Variants in SLC27A5 observed in about 807,000 individuals in gnomAD.
SLC27A5 encodes solute carrier family 27 member 5.
SLC27A5 carries 47 observed loss-of-function variants against 63.1 expected under a neutral mutation model. That is an observed-to-expected ratio of 0.74 (90% CI 0.59 to 0.95). SLC27A5 has a LOEUF of 0.95. Among genes scored for constraint, SLC27A5 ranks in the 40% least tolerant of loss-of-function variants. The pLI, the probability that SLC27A5 is intolerant of heterozygous loss-of-function variation, is 0.00. For missense variants in SLC27A5, 940 were observed against 921.0 expected (o/e 1.02, Z -0.27); for synonymous variants, 391 against 403.8 (o/e 0.97, Z 0.38).
At chr19:58,510,644 T>C in intron 2 of SLC27A5, 77 bp downstream of exon 2, 1 of 1,277,778 alleles carries the variant, frequency 7.8e-7, no homozygotes, top group Non-Finnish European at 1.1e-6. Flanking sequence ...AGGTCAACAC[T>C]GAGTCACAAG....
At chr19:58,507,942 TG>T (rs2122519245) in intron 3 of SLC27A5, 1 of 152,272 alleles carries the variant, frequency 6.6e-6, no homozygotes, top group Non-Finnish European at 1.5e-5. Context: ...TTGTTTAAGA[TG>T]TTTATCAAGA....
intron 3 of SLC27A5, among the ~76,000 whole-genome samples, chr19:58,506,326 G>A (rs1260068704): frequency 6.6e-6 from 1 of 152,162 alleles, no homozygotes; most frequent in Admixed American, 6.5e-5. Flanking sequence ...CCTGAGGTCA[G>A]GAGTTCGAGA....
intron 3 of SLC27A5, among the ~76,000 whole-genome samples, chr19:58,505,988 T>G (rs1196989525): frequency 6.7e-6 from 1 of 149,844 alleles, no homozygotes; most frequent in East Asian, 2.0e-4. Flanking sequence ...CTGTCTCTAC[T>G]AAAAATACAA....
chr19:58,499,133 C>CT lies in SLC27A5; in HGVS notation c.1754_1755insA (p.Cys586ValfsTer6), dbSNP rs2053242828. 6.2e-7 allele frequency: 1 copy of CT among 1,613,934 alleles called. No individual in the cohort carries two copies. The highest frequency in any genetic ancestry group is 8.5e-7 in the Non-Finnish European group (1 of 1,180,030). The stretch of plus-strand genomic sequence containing the variant: ...GAGAACCCTCCGCACCTGGCACGCA[C>CT]ACGCCATACACGTTAACCTGTTGCA... On this transcript the variant is annotated frameshift_variant, in exon 8 of 10. Coordinates refer to ENST00000263093, the MANE Select transcript of SLC27A5 (RefSeq NM_012254.3). LOFTEE classifies it high-confidence loss of function.
Position 58,511,907 on chromosome 19 carries a change from G to A in SLC27A5, c.49C>T (p.Leu17Phe). The A allele has an allele frequency of 6.5e-7, 1 of 1,547,566 alleles. No individual in the cohort carries two copies. The highest frequency in any genetic ancestry group is 8.7e-7 in the Non-Finnish European group (1 of 1,146,446). ...LALLLLLLLL[L>F]WGLGQPVWPV... ...CACACTGGCTGCCCCAGGCCCCAGA[G>A]CAGGAGCAGCAGCAGCAGCAGCAAG... Residue 17 changes from leucine (L) to phenylalanine (F), a missense_variant, in exon 1 of 10, where the codon CTC becomes TTC. By Grantham distance (22) the Leu-to-Phe change is conservative. Coordinates refer to ENST00000263093, the MANE Select transcript of SLC27A5 (RefSeq NM_012254.3).
At chr19:58,500,167 GGC>G (rs2053257093) in intron 6 of SLC27A5, among the ~76,000 whole-genome samples, 170 bp downstream of exon 6, 1 of 151,990 alleles carries the variant, frequency 6.6e-6, no homozygotes, top group African/African-American at 2.4e-5. Context: ...GAGAAGCTGA[GGC>G]GGAGGCCCCA....
In SLC27A5 at chr19:58,511,545, C is replaced by T; in HGVS notation, c.411G>A (p.Gly137=). ...CAAAGGTGACTGAGCCGGCCCCAGGCCCCGTCCACACCAAGAGTGCCCTGC... is the reference window on the plus strand; with the variant it reads ...CAAAGGTGACTGAGCCGGCCCCAGGTCCCGTCCACACCAAGAGTGCCCTGC... The part of the protein sequence containing the change: ...QPGRALLVWT[G]PGAGSVTFGE... Residue 137 remains glycine (G), a synonymous_variant, in exon 1 of 10, where the codon GGG becomes GGA. Coordinates refer to ENST00000263093, the MANE Select transcript of SLC27A5 (RefSeq NM_012254.3). The T allele has an allele frequency of 6.4e-7, 1 of 1,563,778 alleles. No individual in the cohort carries two copies. Among genetic ancestry groups the T allele is most frequent in the South Asian group, 1.2e-5 (1 of 85,754 alleles).
At position 58,499,127 on chromosome 19, in the gene SLC27A5, C is replaced by A; in HGVS notation, c.1761G>T (p.Val587=). ...LQQVNVYGVC[V]PGCEGKVGMA... Reference sequence around the variant, plus strand: ...TAAAATGAGAACCCTCCGCACCTGGCACGCACACGCCATACACGTTAACCT... The same window carrying A: ...TAAAATGAGAACCCTCCGCACCTGGAACGCACACGCCATACACGTTAACCT... Residue 587 remains valine, a synonymous_variant, in exon 8 of 10, where the codon GTG becomes GTT. Transcript: ENST00000263093. The A allele has an allele frequency of 6.2e-7, 1 of 1,614,018 alleles. No individual in the cohort carries two copies.
rs373204518 is a variant in SLC27A5, at chr19:58,499,254, C to G, written c.1668-34G>C. 1.0e-3 allele frequency: 1,638 copies of G among 1,601,586 alleles called. 1 individual carries two copies. The highest frequency in any genetic ancestry group is 1.3e-3 in the Non-Finnish European group (1,552 of 1,171,600). ...AGGGAGCCGGCGCTTGTGACCACGC[C>G]CCCGGGAAGGAGAGGCCCCGCCTCT... On this transcript the variant is annotated intron_variant, in intron 7 of 9. Transcript: ENST00000263093.
chr19:58,505,114 T>C (rs2053330134), intron 3 of SLC27A5, among the ~76,000 whole-genome samples: 1 of 150,824 alleles, frequency 6.6e-6, no homozygotes, highest in Non-Finnish European at 1.5e-5. Flanking sequence ...TTTTTTTTTT[T>C]TTTTGAGACA....
At chr19:58,503,592 G>T (rs1256290044) in intron 3 of SLC27A5, among the ~76,000 whole-genome samples, 6 of 152,088 alleles carry the variant, frequency 3.9e-5, no homozygotes, top group African/African-American at 9.7e-5. Context: ...GAACCCAGGA[G>T]GGGGAGGCTG....
rs758013207 is a variant in SLC27A5, at chr19:58,499,456, C to T, written c.1667+36G>A. The T allele has an allele frequency of 3.7e-6, 6 of 1,606,484 alleles. No individual in the cohort carries two copies. The African/African-American group carries it at 6.7e-5, about 18-fold the overall frequency. ...TAGGATCTGAAAGCGTCCGTGGCCC[C>T]GCGCCAGCCCCGCCCCGAGAAACCC... On this transcript the variant is annotated intron_variant, in intron 7 of 9. Transcript: ENST00000263093.
At chr19:58,500,468 G>A (rs777915174) in intron 5 of SLC27A5, 39 bp from the exon 6 acceptor site, 1 of 1,613,338 alleles carries the variant, frequency 6.2e-7, no homozygotes, top group African/African-American at 1.3e-5. Context: ...GGTCCTGTGG[G>A]CTCAGCCTCA....
intron 3 of SLC27A5, among the ~76,000 whole-genome samples, chr19:58,504,778 G>A (rs1023770589): frequency 6.6e-6 from 1 of 151,976 alleles, no homozygotes; most frequent in African/African-American, 2.4e-5. Context: ...GGCCGAGGCG[G>A]GCGGATCACG....
chr19:58,511,785 G>A lies in SLC27A5; in HGVS notation c.171C>T (p.Gly57=), dbSNP rs1464899077. ...GGCTCAGCCCATGGGGCACCCAGGG[G>A]CCGAGCCAGGGCCGTGCTAACATGG... is the stretch of plus-strand genomic sequence containing the variant. ...GLAMLARPWL[G]PWVPHGLSLA... Residue 57 remains glycine, a synonymous_variant, in exon 1 of 10, where the codon GGC becomes GGT. Transcript: ENST00000263093. 6.4e-7 allele frequency: 1 copy of A among 1,553,970 alleles called. No individual in the cohort carries two copies. The highest frequency in any genetic ancestry group is 8.7e-7 in the Non-Finnish European group (1 of 1,149,120).
At chr19:58,501,194 C>T in intron 4 of SLC27A5, 92 bp downstream of exon 4, 1 of 1,502,546 alleles carries the variant, frequency 6.7e-7, no homozygotes, top group Non-Finnish European at 9.0e-7. Context: ...ATCTGAGGGA[C>T]TTGAGTTCAG....
At chr19:58,510,695 G>C in intron 2 of SLC27A5, 26 bp downstream of exon 2, 8 of 1,564,804 alleles carry the variant, frequency 5.1e-6, no homozygotes, top group Non-Finnish European at 7.0e-6. Context: ...TCAGAGGCTG[G>C]TGCTAGGGCT....
At chr19:58,507,084 C>T (rs568929192) in intron 3 of SLC27A5, among the ~76,000 whole-genome samples, 9 of 150,790 alleles carry the variant, frequency 6.0e-5, no homozygotes, top group East Asian at 2.0e-4. Flanking sequence ...TTTGGCCGGG[C>T]GCGGTGGCTC....
At chr19:58,503,790 AAAACAAAC>A (rs139457320) in intron 3 of SLC27A5, among the ~76,000 whole-genome samples, 165 of 152,028 alleles carry the variant, frequency 1.1e-3, no homozygotes, top group African/African-American at 3.2e-3. Flanking sequence ...TTAATTGTTA[AAAACAAAC>A]AAACAAACAA....
Sources: gnomAD v4.1 joint callset for allele counts (sites outside exome capture counted in the v4.1 genomes callset) on GRCh38, gnomAD v4.1.1 for gene constraint, MANE v1.5 for transcripts, NCBI Gene and HGNC (gene_info 2026-07-23, HGNC 2026-07-21) for gene names.